The following SMIM18 variants were observed in gnomAD, a reference collection of about 807,000 sequenced individuals.
The protein encoded by SMIM18 is small integral membrane protein 18.
SMIM18 carries 4 observed loss-of-function variants against 5.9 expected under a neutral mutation model. The ratio of observed to expected loss-of-function variants is 0.68; its 90% CI spans 0.33 to 1.56. The LOEUF (loss-of-function observed/expected upper bound fraction) is 1.56. SMIM18 is among the 40% of genes most tolerant of loss of function. The pLI, the probability that SMIM18 is intolerant of heterozygous loss-of-function variation, is 0.06. For missense variants in SMIM18, 89 were observed against 109.7 expected (o/e 0.81, Z 0.84); for synonymous variants, 37 against 37.4 (o/e 0.99, Z 0.04).
Position 30,645,475 on chromosome 8 carries a change from T to C in SMIM18, c.166T>C (p.Tyr56His). 2.6e-6 allele frequency: 4 copies of C among 1,535,688 alleles called. No individual in the cohort carries two copies. The highest frequency in any genetic ancestry group is 3.5e-6 in the Non-Finnish European group (4 of 1,146,898). ...VVSLVVLAFL[Y>H]EVLDCCCCVK... ...ATCTTTAGTGGTGCTGGCTTTCCTTTATGAAGTGCTTGACTGCTGCTGCTG... is the reference window on the plus strand; with the variant it reads ...ATCTTTAGTGGTGCTGGCTTTCCTTCATGAAGTGCTTGACTGCTGCTGCTG... Residue 56 changes from tyrosine to histidine, a missense_variant, in exon 3 of 3, where the codon TAT (tyrosine) becomes CAT (histidine). Tyr to His is a moderately conservative substitution (Grantham distance 83). Transcript: ENST00000517349.
chr8:30,644,631 T>G (rs994347766), intron 2 of SMIM18, 59 bp downstream of exon 2: 21 of 152,176 alleles, frequency 1.4e-4, no homozygotes, highest in African/African-American at 5.1e-4. Flanking sequence ...TTGAAGAACA[T>G]AACCTTAAAA....
Position 30,645,481 on chromosome 8 carries a change from G to A in SMIM18, c.172G>A (p.Val58Met). 6.5e-7 allele frequency: 1 copy of A among 1,535,574 alleles called. No homozygotes were observed. The highest frequency in any genetic ancestry group is 8.7e-7 in the Non-Finnish European group (1 of 1,146,880). ...SLVVLAFLYE[V>M]LDCCCCVKNK... ...AGTGGTGCTGGCTTTCCTTTATGAA[G>A]TGCTTGACTGCTGCTGCTGTGTAAA... is the stretch of plus-strand genomic sequence containing the variant. The change falls in exon 3 of 3, where the codon GTG (valine) becomes ATG (methionine). Residue 58 changes from valine to methionine, a missense_variant. By Grantham distance (21) the Val-to-Met change is conservative. Coordinates refer to ENST00000517349, the MANE Select transcript of SMIM18 (RefSeq NM_001206847.2).
Position 30,645,726 on chromosome 8 carries a change from G to A in SMIM18, c.*129G>A, listed in dbSNP as rs1387041803. 4.1e-6 allele frequency: 4 copies of A among 982,618 alleles called. No individual in the cohort carries two copies. Among genetic ancestry groups the A allele is most frequent in the South Asian group, 1.8e-5 (1 of 55,952 alleles). The allele number at this position is 982,618 out of a possible 1,614,324, so 60.9% of individuals were successfully genotyped here. On this transcript the variant is annotated 3_prime_UTR_variant, in exon 3 of 3. Coordinates refer to ENST00000517349, the MANE Select transcript of SMIM18 (RefSeq NM_001206847.2). ...AATGGTTAAAACATTTCTAGTAGAA[G>A]GGGAAAAAAAAGTTAAACATGCACT...
rs1039436776 is a variant in SMIM18 at position 30,645,526 on chromosome 8, T to C, written c.217T>C (p.Leu73=). The C allele has an allele frequency of 6.5e-7, 1 of 1,535,664 alleles. No individual in the cohort carries two copies. The highest frequency in any genetic ancestry group is 8.7e-7 in the Non-Finnish European group (1 of 1,146,884). ...CCVKNKTVKD[L]KSEPNPLRSM... is the part of the protein sequence containing the mutation. ...TGTAAAAAACAAAACCGTGAAAGAC[T>C]TGAAAAGTGAACCCAACCCTCTTAG... Residue 73 remains leucine, a synonymous_variant, in exon 3 of 3, where the codon TTG becomes CTG. Coordinates refer to ENST00000517349, the MANE Select transcript of SMIM18 (RefSeq NM_001206847.2).
chr8:30,640,155 G>A (rs1801762947), intron 1 of SMIM18, among the ~76,000 whole-genome samples: 1 of 152,088 alleles, frequency 6.6e-6, no homozygotes, highest in Non-Finnish European at 1.5e-5. Flanking sequence ...CTGGAGACAT[G>A]GCCTAAGTTC....
At chr8:30,645,177 G>A in intron 2 of SMIM18, 104 bp from the exon 3 acceptor site, 1 of 1,003,700 alleles carries the variant, frequency 1.0e-6, no homozygotes, top group Non-Finnish European at 1.4e-6. Context: ...AATTAAGGAA[G>A]ATTCATGTTG....
chr8:30,644,343 G>A (rs1311759213), intron 1 of SMIM18, 149 bp from the exon 2 acceptor site: 1 of 151,972 alleles, frequency 6.6e-6, no homozygotes, highest in Admixed American at 6.6e-5. Flanking sequence ...TATGTCTATG[G>A]GTCACTCAGG....
At chr8:30,640,009 T>C (rs1483192644) in intron 1 of SMIM18, among the ~76,000 whole-genome samples, 2 of 152,152 alleles carry the variant, frequency 1.3e-5, no homozygotes, top group East Asian at 3.8e-4. Context: ...AACTTACAAA[T>C]CAAATTTCAG....
intron 1 of SMIM18, chr8:30,643,764 A>G: frequency 1.3e-5 from 2 of 152,150 alleles, no homozygotes; most frequent in Non-Finnish European, 2.9e-5. Flanking sequence ...AATAATTCTA[A>G]GTCTTAACCC....
At chr8:30,640,791 G>A (rs1043163463) in intron 1 of SMIM18, among the ~76,000 whole-genome samples, 9 of 152,098 alleles carry the variant, frequency 5.9e-5, no homozygotes. Flanking sequence ...TGCAACCTCT[G>A]CCGCCCAGGT....
At chr8:30,641,665 T>C (rs575148520) in intron 1 of SMIM18, among the ~76,000 whole-genome samples, 1 of 152,270 alleles carries the variant, frequency 6.6e-6, no homozygotes, top group East Asian at 1.9e-4. Flanking sequence ...TTACCTGACG[T>C]CAGGGGTTCA....
chr8:30,644,340 A>C (rs911108220), intron 1 of SMIM18, among the ~76,000 whole-genome samples, 152 bp from the exon 2 acceptor site: 1 of 152,140 alleles, frequency 6.6e-6, no homozygotes, highest in East Asian at 1.9e-4. Context: ...ATTTATGTCT[A>C]TGGGTCACTC....
At chr8:30,640,625 T>C (rs1322199704) in intron 1 of SMIM18, among the ~76,000 whole-genome samples, 1 of 152,230 alleles carries the variant, frequency 6.6e-6, no homozygotes, top group Non-Finnish European at 1.5e-5. Flanking sequence ...ATAAAGAATG[T>C]TTACAGCATT....
intron 1 of SMIM18, among the ~76,000 whole-genome samples, chr8:30,639,891 C>T (rs2128725407): frequency 6.6e-6 from 1 of 151,762 alleles, no homozygotes; most frequent in Middle Eastern, 3.4e-3. Flanking sequence ...AGGTTCAGCA[C>T]AGTGGGGTTA....
intron 2 of SMIM18, among the ~76,000 whole-genome samples, chr8:30,644,904 C>T (rs1419672679): frequency 6.6e-6 from 1 of 152,096 alleles, no homozygotes; most frequent in Non-Finnish European, 1.5e-5. Flanking sequence ...GCACACACCA[C>T]CATGCCTGGC....
chr8:30,640,550 G>A (rs774987018), intron 1 of SMIM18, among the ~76,000 whole-genome samples: 1 of 152,086 alleles, frequency 6.6e-6, no homozygotes, highest in South Asian at 2.1e-4. Context: ...TTAAGGCATG[G>A]GTAGGGAAGT....
intron 1 of SMIM18, among the ~76,000 whole-genome samples, chr8:30,641,938 G>A (rs1054807336): frequency 2.6e-5 from 4 of 152,180 alleles, no homozygotes; most frequent in African/African-American, 9.7e-5. Context: ...AAGTGTGGGG[G>A]TGAAGGCATA....
In SMIM18 at chr8:30,645,566, A is replaced by C; in HGVS notation, c.257A>C (p.Asn86Thr). 2.0e-6 allele frequency: 3 copies of C among 1,535,682 alleles called. No individual in the cohort carries two copies. The highest frequency in any genetic ancestry group is 2.6e-6 in the Non-Finnish European group (3 of 1,146,884). Residue 86 changes from asparagine to threonine, a missense_variant, in exon 3 of 3, where the codon AAC becomes ACC. Asn to Thr is a moderately conservative substitution (Grantham distance 65). Transcript: ENST00000517349. ...EPNPLRSMMD[N>T]IRKRETEVV ...AACCCTCTTAGAAGTATGATGGACAACATCAGAAAACGTGAAACTGAAGTG... is the reference window on the plus strand; with the variant it reads ...AACCCTCTTAGAAGTATGATGGACACCATCAGAAAACGTGAAACTGAAGTG...
intron 1 of SMIM18, among the ~76,000 whole-genome samples, chr8:30,639,327 TTC>T (rs1188616240): frequency 2.6e-5 from 4 of 152,172 alleles, no homozygotes; most frequent in South Asian, 2.1e-4. Context: ...ACTGTGAAAT[TTC>T]TCTCTCGTAA....
Sources: allele counts gnomAD v4.1 joint callset (sites outside exome capture counted in the v4.1 genomes callset), GRCh38; gene constraint gnomAD v4.1.1; transcripts MANE v1.5; gene names NCBI Gene and HGNC (gene_info 2026-07-23, HGNC 2026-07-21).